The following EXOC3L2 variants were observed in gnomAD, a reference collection of about 807,000 sequenced individuals.
EXOC3L2 encodes exocyst complex component 3-like protein 2.
EXOC3L2 carries 17 observed loss-of-function variants against 44.4 expected under a neutral mutation model. The observed-to-expected ratio is 0.38, with a 90% CI of 0.26 to 0.57. The LOEUF is 0.57. Ranked by LOEUF, EXOC3L2 falls within the 20% of genes least tolerant of loss-of-function variation. The pLI is 0.65. For missense variants in EXOC3L2, 541 were observed against 588.4 expected (o/e 0.92, Z 0.83); for synonymous variants, 256 against 253.7 (o/e 1.01, Z -0.09).
At chr19:45,214,759 C>T (rs1478742042) in intron 11 of EXOC3L2, among the ~76,000 whole-genome samples, 3 of 151,998 alleles carry the variant, frequency 2.0e-5, no homozygotes, top group African/African-American at 7.2e-5. Context: ...GCCACCATGC[C>T]CGGCCGATCT....
Position 45,228,272 on chromosome 19 carries a change from G to A in EXOC3L2, c.1270-6C>T. On this transcript the variant is annotated splice_polypyrimidine_tract_variant and splice_region_variant and intron_variant, in intron 4 of 11. Transcript: ENST00000413988. Reference sequence around the variant, plus strand: ...AGGGCAGCCCGGGTCTGAGCCTACAGTAGGGAGAGGGGAGACAGGCAGGAG... The same window carrying A: ...AGGGCAGCCCGGGTCTGAGCCTACAATAGGGAGAGGGGAGACAGGCAGGAG... 6.2e-7 allele frequency: 1 copy of A among 1,613,864 alleles called. No individual in the cohort carries two copies. The highest frequency in any genetic ancestry group is 8.5e-7 in the Non-Finnish European group (1 of 1,179,914).
intron 7 of EXOC3L2, 29 bp downstream of exon 7, chr19:45,227,633 T>C: frequency 6.3e-7 from 1 of 1,583,018 alleles, no homozygotes; most frequent in Non-Finnish European, 8.6e-7. Context: ...GGATTGGTCC[T>C]CCCTCCATCA....
chr19:45,233,045 G>A (rs1033232573), intron 3 of EXOC3L2, among the ~76,000 whole-genome samples: 4 of 152,136 alleles, frequency 2.6e-5, no homozygotes, highest in South Asian at 2.1e-4. Flanking sequence ...GTGAAACCCC[G>A]TCTCTACTAA....
chr19:45,220,325 G>A (rs1969883707), intron 8 of EXOC3L2, among the ~76,000 whole-genome samples: 1 of 151,184 alleles, frequency 6.6e-6, no homozygotes, highest in Non-Finnish European at 1.5e-5. Flanking sequence ...TGTTTAATTA[G>A]CTGGGCATGG....
rs181444579 is a variant in EXOC3L2, at chr19:45,213,131, T to C, written c.2347A>G (p.Ser783Gly). 1,170 of 1,574,012 alleles carry C rather than the reference T, an allele frequency of 7.4e-4. 7 individuals carry two copies. In the African/African-American group the frequency reaches 0.014, roughly 19 times the overall value. Residue 783 changes from serine (S) to glycine (G), a missense_variant, in exon 12 of 12, where the codon AGT (serine) becomes GGT (glycine). Coordinates refer to ENST00000413988, the MANE Select transcript of EXOC3L2 (RefSeq NM_001382422.1). ...RLPLSRLARP[S>G]LACLPRPRPP... is the part of the protein sequence containing the mutation. ...CGGGGCCGAGGCAGACAGGCCAAAC[T>C]GGGCCTGGCCAGCCGGGAGAGGGGG...
Position 45,216,166 on chromosome 19 carries a change from A to T in EXOC3L2, c.2027T>A (p.Val676Glu). The T allele has an allele frequency of 6.2e-7, 1 of 1,613,854 alleles. No homozygotes were observed. The highest frequency in any genetic ancestry group is 8.5e-7 in the Non-Finnish European group (1 of 1,179,942). Residue 676 changes from valine to glutamate, a missense_variant, in exon 11 of 12, where the codon GTG (valine) becomes GAG (glutamate). Transcript: ENST00000413988. ...LESQASWLDA[V>E]VPHLAEVMQL... is the part of the protein sequence containing the mutation. ...CATGACTTCAGCCAAATGGGGCACC[A>T]CGGCATCCAGCCACGAGGCCTGGGA...
chr19:45,239,154 T>A (rs1339509141), intron 1 of EXOC3L2, 93 bp from the exon 2 acceptor site: 2 of 395,928 alleles, frequency 5.1e-6, no homozygotes, highest in African/African-American at 4.1e-5. Flanking sequence ...GGGGTGAGCG[T>A]ACCAGACACT....
intron 4 of EXOC3L2, among the ~76,000 whole-genome samples, chr19:45,230,667 G>T (rs190887667): frequency 8.6e-4 from 131 of 152,262 alleles, no homozygotes; most frequent in East Asian, 6.6e-3. Flanking sequence ...ATGTTTTATT[G>T]TCTTTTGGTC....
At chr19:45,244,230 C>T (rs1217064645) in intron 1 of EXOC3L2, among the ~76,000 whole-genome samples, 1 of 152,072 alleles carries the variant, frequency 6.6e-6, no homozygotes, top group East Asian at 1.9e-4. Flanking sequence ...CTTGATTTCT[C>T]TTTCATCCTC....
At chr19:45,226,776 G>A (rs186653000) in intron 7 of EXOC3L2, among the ~76,000 whole-genome samples, 115 of 97,962 alleles carry the variant, frequency 1.2e-3, no homozygotes, top group Admixed American at 2.0e-3. Flanking sequence ...TTTTTGAGAC[G>A]GAGTCTCGCT....
rs1236691597 is a variant in EXOC3L2, at chr19:45,213,228, A to ACGGTCC, written c.2244_2249dup (p.Asp749_Arg750dup). The ACGGTCC allele has an allele frequency of 6.2e-7, 1 of 1,612,192 alleles. No individual in the cohort carries two copies. Among genetic ancestry groups the ACGGTCC allele is most frequent in the Non-Finnish European group, 8.5e-7 (1 of 1,179,188 alleles). On this transcript the variant is annotated inframe_insertion, in exon 12 of 12. Coordinates refer to ENST00000413988, the MANE Select transcript of EXOC3L2 (RefSeq NM_001382422.1). Reference sequence around the variant, plus strand: ...GCACAGGGATGTCTGCAAAGAAGGCACGGTCCCGAGGGGGTGACAGGGCTC... The same window carrying ACGGTCC: ...GCACAGGGATGTCTGCAAAGAAGGCACGGTCCCGGTCCCGAGGGGGTGACAGGGCTC...
intron 8 of EXOC3L2, among the ~76,000 whole-genome samples, chr19:45,223,387 G>A (rs977156827): frequency 6.6e-6 from 1 of 152,062 alleles, no homozygotes; most frequent in Admixed American, 6.6e-5. Context: ...CTGTCACCCA[G>A]GCTGCAGTGC....
intron 1 of EXOC3L2, among the ~76,000 whole-genome samples, chr19:45,240,583 C>T (rs929928788): frequency 5.9e-5 from 9 of 152,038 alleles, no homozygotes; most frequent in African/African-American, 2.2e-4. Context: ...CATTAAGTGC[C>T]ACTTAATTGT....
chr19:45,243,221 G>A (rs577638768), intron 1 of EXOC3L2, among the ~76,000 whole-genome samples: 1 of 152,114 alleles, frequency 6.6e-6, no homozygotes, highest in Admixed American at 6.6e-5. Flanking sequence ...TTGTGTAAAG[G>A]GTCAGATGTT....
intron 4 of EXOC3L2, among the ~76,000 whole-genome samples, chr19:45,228,794 G>A (rs1235727639): frequency 6.7e-6 from 1 of 148,476 alleles, no homozygotes; most frequent in East Asian, 2.0e-4. Context: ...AAAATAGGCT[G>A]GGCGCGGTGG....
rs533254542 is a variant in EXOC3L2 at position 45,228,345 on chromosome 19, A to G, written c.1270-79T>C. The G allele has an allele frequency of 7.2e-6, 9 of 1,244,624 alleles. No individual in the cohort carries two copies. The Admixed American group carries it at 1.4e-4, about 20-fold the overall frequency. 77.1% of individuals were successfully genotyped at this position (1,244,624 alleles called of 1,614,324 possible). On this transcript the variant is annotated intron_variant, in intron 4 of 11. Transcript: ENST00000413988. ...TTTTTTTATCTCTTTCTCCCACCAC[A>G]ATCCCCTAGCCCTTAACCCCAAGCA...
intron 4 of EXOC3L2, among the ~76,000 whole-genome samples, chr19:45,231,441 G>C (rs1233830974): frequency 8.3e-6 from 1 of 120,050 alleles, no homozygotes; most frequent in African/African-American, 3.3e-5. Flanking sequence ...CCTGGCAACA[G>C]AGCGAGACCC....
intron 3 of EXOC3L2, among the ~76,000 whole-genome samples, chr19:45,233,739 A>G (rs1268675998): frequency 6.6e-6 from 1 of 152,230 alleles, no homozygotes; most frequent in Non-Finnish European, 1.5e-5. Context: ...CTTAGATGCT[A>G]GGAGTGTAAC....
intron 8 of EXOC3L2, among the ~76,000 whole-genome samples, chr19:45,219,512 T>C (rs1010702288): frequency 7.0e-4 from 106 of 152,048 alleles, no homozygotes; most frequent in African/African-American, 2.4e-3. Flanking sequence ...TTCCACTTCC[T>C]AGGTCTGGTT....
Sources: gnomAD v4.1 joint callset for allele counts (sites outside exome capture counted in the v4.1 genomes callset) on GRCh38, gnomAD v4.1.1 for gene constraint, MANE v1.5 for transcripts, NCBI Gene and HGNC (gene_info 2026-07-23, HGNC 2026-07-21) for gene names.